The following GTF2H5 variants were observed in gnomAD, a reference collection of about 807,000 sequenced individuals.
GTF2H5 encodes the protein general transcription factor IIH subunit 5.
A neutral mutation model predicts 7.1 loss-of-function variants in GTF2H5; 5 were observed. The ratio of observed to expected loss-of-function variants is 0.71; its 90% confidence interval spans 0.37 to 1.49. The LOEUF (loss-of-function observed/expected upper bound fraction) is 1.49, where lower values mean the gene tolerates loss of function less well. Ranked by LOEUF, GTF2H5 falls within the 40% of genes most tolerant of loss-of-function variation. GTF2H5 has a pLI of 0.03. For missense variants in GTF2H5, 80 were observed against 83.0 expected (o/e 0.96, Z 0.14); for synonymous variants, 30 against 31.7 (o/e 0.95, Z 0.18).
rs376278312 is a variant in GTF2H5 at position 158,170,480 on chromosome 6, G to A, written c.-24G>A. 3.3e-4 allele frequency: 522 copies of A among 1,594,114 alleles called. No individual in the cohort carries two copies. The highest frequency in any genetic ancestry group is 4.2e-4 in the Non-Finnish European group (485 of 1,161,958). ...TACTCTTTTTATTAGCATTCTTCAG[G>A]TCATCTGAACCTTCTGAGAAAACAT... On this transcript the variant is annotated 5_prime_UTR_variant, in exon 2 of 3. Transcript: ENST00000607778.
chr6:158,172,952 G>A (rs1180840488), intron 2 of GTF2H5, among the ~76,000 whole-genome samples: 4 of 152,116 alleles, frequency 2.6e-5, no homozygotes, highest in African/African-American at 9.7e-5. Flanking sequence ...TCTAACCTCT[G>A]AATTCTACCT....
intron 1 of GTF2H5, 66 bp from the exon 2 acceptor site, chr6:158,170,404 G>A (rs1484729889): frequency 4.3e-6 from 4 of 920,020 alleles, no homozygotes; most frequent in South Asian, 4.1e-5. Context: ...CGTTTCAGAG[G>A]CAGATCCCCA....
intron 1 of GTF2H5, among the ~76,000 whole-genome samples, chr6:158,169,745 T>TTATATAATATATTGTATATTA (rs1562469404): frequency 0.042 from 2,245 of 53,746 alleles, 191 homozygotes; most frequent in Middle Eastern, 0.096. Flanking sequence ...ATATTATATA[T>TTATATAATATATTGTATATTA]TATATAATAT....
At chr6:158,191,788 C>A (rs1451786114) in intron 2 of GTF2H5, among the ~76,000 whole-genome samples, 189 bp from the exon 3 acceptor site, 1 of 152,152 alleles carries the variant, frequency 6.6e-6, no homozygotes, top group East Asian at 1.9e-4. Flanking sequence ...GGCCAACTTA[C>A]ACTAATAGTT....
chr6:158,184,958 G>GCAC (rs1776887877), intron 2 of GTF2H5, among the ~76,000 whole-genome samples: 1 of 152,024 alleles, frequency 6.6e-6, no homozygotes, highest in Admixed American at 6.6e-5. Context: ...CACTTCCAGG[G>GCAC]CAAAGTTGTT....
chr6:158,176,389 G>A (rs1238718101), intron 2 of GTF2H5, among the ~76,000 whole-genome samples: 1 of 152,064 alleles, frequency 6.6e-6, no homozygotes, highest in Non-Finnish European at 1.5e-5. Flanking sequence ...ACCATGCCTG[G>A]CTAATTTTTG....
chr6:158,174,342 T>C lies in GTF2H5; in HGVS notation c.35+3804T>C, dbSNP rs537058853. ...AAACTCCATTTCTATCAGTTAAGTT[T>C]AACTGATTTTGAGTCTGCAGAGATT... On this transcript the variant is annotated intron_variant, in intron 2 of 2. Transcript: ENST00000607778. 5.3e-5 allele frequency among the ~76,000 whole-genome samples: 8 copies of C among 152,328 alleles called. No individual in the cohort carries two copies. The South Asian group carries it at 1.7e-3, about 32-fold the overall frequency.
intron 2 of GTF2H5, among the ~76,000 whole-genome samples, chr6:158,172,161 T>C (rs1263786473): frequency 6.6e-6 from 1 of 152,154 alleles, no homozygotes; most frequent in Non-Finnish European, 1.5e-5. Context: ...TTTAGATTCA[T>C]TCATCTAGAA....
At chr6:158,179,168 T>G (rs926903662) in intron 2 of GTF2H5, among the ~76,000 whole-genome samples, 7 of 152,224 alleles carry the variant, frequency 4.6e-5, no homozygotes, top group Non-Finnish European at 1.0e-4. Context: ...ATGTGTGGTG[T>G]TATTTCTGAG....
At chr6:158,182,520 C>T (rs9457142) in intron 2 of GTF2H5, among the ~76,000 whole-genome samples, 9,211 of 152,148 alleles carry the variant, frequency 0.061, 942 homozygotes, top group African/African-American at 0.21. Flanking sequence ...ACCAATCAAA[C>T]GTAGATTTGG....
intron 2 of GTF2H5, among the ~76,000 whole-genome samples, chr6:158,182,637 A>G (rs1168709225): frequency 6.6e-6 from 1 of 151,844 alleles, no homozygotes; most frequent in Non-Finnish European, 1.5e-5. Context: ...ATCTTCAATC[A>G]ATGATATCCT....
chr6:158,180,965 G>A lies in GTF2H5; in HGVS notation c.35+10427G>A, dbSNP rs140355313. On this transcript the variant is annotated intron_variant, in intron 2 of 2. Coordinates refer to ENST00000607778, the MANE Select transcript of GTF2H5 (RefSeq NM_207118.3). Reference sequence around the variant, plus strand: ...CTCTAGTTCTTTTAATTTGATATTAGGGTGTCGATTTTAGATCTCTCCTGC... The same window carrying A: ...CTCTAGTTCTTTTAATTTGATATTAAGGTGTCGATTTTAGATCTCTCCTGC... Among the ~76,000 whole-genome samples the A allele has an allele frequency of 7.6e-3, 1,154 of 151,516 alleles. 13 individuals carry two copies. Among genetic ancestry groups the A allele is most frequent in the African/African-American group, 0.027 (1,098 of 41,294 alleles).
At chr6:158,190,618 T>C (rs1250206250) in intron 2 of GTF2H5, 2 of 476,970 alleles carry the variant, frequency 4.2e-6, no homozygotes, top group Non-Finnish European at 8.3e-6. Context: ...CATACTCATC[T>C]AGGGATAGAA....
At position 158,195,816 on chromosome 6, in the gene GTF2H5, G is replaced by A. The variant is rs1226084948; in HGVS notation, c.*3659G>A. 4 of 152,180 alleles carry A rather than the reference G, an allele frequency of 2.6e-5. No individual in the cohort carries two copies. Among genetic ancestry groups the A allele is most frequent in the African/African-American group, 9.7e-5 (4 of 41,422 alleles). 9.4% of individuals were successfully genotyped at this position (152,180 alleles called of 1,614,324 possible). ...AACAAACTTAACAGATGGGGAAGGG[G>A]TATATTTTAAAGATGGAGAAATGAT... On this transcript the variant is annotated 3_prime_UTR_variant, in exon 3 of 3. Transcript: ENST00000607778.
chr6:158,188,570 A>G (rs1391681583), intron 2 of GTF2H5, among the ~76,000 whole-genome samples: 1 of 152,106 alleles, frequency 6.6e-6, no homozygotes, highest in Admixed American at 6.6e-5. Flanking sequence ...ATAATTAATC[A>G]ATTGTTTACC....
Position 158,195,335 on chromosome 6 carries a change from T to C in GTF2H5, c.*3178T>C, listed in dbSNP as rs1248401093. On this transcript the variant is annotated 3_prime_UTR_variant, in exon 3 of 3. Coordinates refer to ENST00000607778, the MANE Select transcript of GTF2H5 (RefSeq NM_207118.3). Reference sequence around the variant, plus strand: ...ACTGAAGTTGTGATATTGAGTGTTATATTTCTCAATAAAGGTTTTTTCTTT... The same window carrying C: ...ACTGAAGTTGTGATATTGAGTGTTACATTTCTCAATAAAGGTTTTTTCTTT... 1 of 152,162 alleles carries C rather than the reference T, an allele frequency of 6.6e-6. No individual in the cohort carries two copies. Among genetic ancestry groups the C allele is most frequent in the African/African-American group, 2.4e-5 (1 of 41,408 alleles). The allele number at this position is 152,162 out of a possible 1,614,324, so 9.4% of individuals were successfully genotyped here.
chr6:158,187,817 C>A (rs1467214601), intron 2 of GTF2H5, among the ~76,000 whole-genome samples: 2 of 152,154 alleles, frequency 1.3e-5, no homozygotes, highest in Non-Finnish European at 2.9e-5. Context: ...CCGCCTGCCT[C>A]GGCCTCCCAA....
chr6:158,194,203 A>G lies in GTF2H5; in HGVS notation c.*2046A>G, dbSNP rs922141977. On this transcript the variant is annotated 3_prime_UTR_variant, in exon 3 of 3. Transcript: ENST00000607778. ...ACTGAAGTAAAAAAGAGAAAAAAAGATATTTATGAGAAAACTATTGAACAG... is the reference window on the plus strand; with the variant it reads ...ACTGAAGTAAAAAAGAGAAAAAAAGGTATTTATGAGAAAACTATTGAACAG... 4 of 152,164 alleles carry G rather than the reference A, an allele frequency of 2.6e-5. No individual in the cohort carries two copies. The highest frequency in any genetic ancestry group is 1.9e-4 in the East Asian group (1 of 5,206). The allele number at this position is 152,164 out of a possible 1,614,324, so 9.4% of individuals were successfully genotyped here.
intron 2 of GTF2H5, among the ~76,000 whole-genome samples, chr6:158,187,856 G>T (rs1458413274): frequency 6.6e-6 from 1 of 152,144 alleles, no homozygotes; most frequent in Non-Finnish European, 1.5e-5. Context: ...GTGAGCCACC[G>T]CACCCGGCCA....
Sources: allele counts gnomAD v4.1 joint callset (sites outside exome capture counted in the v4.1 genomes callset), GRCh38; gene constraint gnomAD v4.1.1; transcripts MANE v1.5; gene names NCBI Gene and HGNC (gene_info 2026-07-23, HGNC 2026-07-21).